Variants in CYFIP1 observed in about 807,000 individuals in gnomAD.
CYFIP1 encodes the protein cytoplasmic FMR1 interacting protein 1, also known as cytoplasmic FMR1-interacting protein 1.
Under a neutral mutation model 163.5 loss-of-function variants are expected in CYFIP1, and 58 were observed. The observed-to-expected ratio is 0.35, with a 90% CI of 0.29 to 0.44. The LOEUF (loss-of-function observed/expected upper bound fraction) is 0.44, where lower values mean the gene tolerates loss of function less well. CYFIP1 is among the 20% of genes least tolerant of loss of function. The pLI, the probability that CYFIP1 is intolerant of heterozygous loss-of-function variation, is 1.00. For missense variants in CYFIP1, 1,338 were observed against 1,653.8 expected, an observed-to-expected ratio of 0.81 and a Z score of 3.31; for synonymous variants, 663 against 660.7, an observed-to-expected ratio of 1.00 and a Z score of -0.05.
intron 26 of CYFIP1, among the ~76,000 whole-genome samples, chr15:22,877,281 C>T (rs2059613383): frequency 6.6e-6 from 1 of 152,190 alleles, no homozygotes; most frequent in Admixed American, 6.5e-5. Context: ...TTCCCCTTCT[C>T]TGTTCCCCCA....
intron 11 of CYFIP1, among the ~76,000 whole-genome samples, chr15:22,931,041 A>G (rs2061519989): frequency 6.6e-6 from 1 of 151,992 alleles, no homozygotes. Context: ...GTGCCCCAAC[A>G]TACCTGGACT....
chr15:22,898,050 G>A (rs765080427), intron 22 of CYFIP1, among the ~76,000 whole-genome samples: 1 of 152,020 alleles, frequency 6.6e-6, no homozygotes, highest in African/African-American at 2.4e-5. Flanking sequence ...AGCTGTACTT[G>A]GACTGTTCCT....
intron 1 of CYFIP1, 71 bp from the exon 2 acceptor site, chr15:22,947,362 G>T: frequency 6.3e-7 from 1 of 1,575,646 alleles, no homozygotes; most frequent in Non-Finnish European, 8.6e-7. Context: ...TCGAGGTTGG[G>T]TACCCAGGCC....
intron 13 of CYFIP1, 142 bp downstream of exon 13, chr15:22,925,840 G>T: frequency 1.6e-6 from 2 of 1,260,130 alleles, no homozygotes; most frequent in Non-Finnish European, 1.1e-6. Flanking sequence ...GTTCTACTCT[G>T]ACTACTCTGC....
intron 8 of CYFIP1, among the ~76,000 whole-genome samples, chr15:22,938,923 TAA>T (rs56169420): frequency 0.26 from 19,058 of 74,524 alleles, 2,122 homozygotes; most frequent in African/African-American, 0.33. Flanking sequence ...AAAAGCAGCT[TAA>T]AAAAAAAAAA....
chr15:22,937,039 A>C, intron 9 of CYFIP1, 65 bp downstream of exon 9: 1 of 1,129,770 alleles, frequency 8.9e-7, no homozygotes, highest in East Asian at 2.4e-5. Context: ...ACAGGGGCTC[A>C]CTTCCCCAAA....
At chr15:22,967,415 C>T (rs1006844961) in intron 1 of CYFIP1, among the ~76,000 whole-genome samples, 2 of 152,182 alleles carry the variant, frequency 1.3e-5, no homozygotes, top group African/African-American at 4.8e-5. Context: ...GCACTTTCCA[C>T]CATGTAGTCT....
Position 22,922,324 on chromosome 15 carries a change from C to T in CYFIP1, c.1360-3466G>A, listed in dbSNP as rs552166935. The stretch of plus-strand genomic sequence containing the variant: ...CACGTGACTGGCCCCCAGTAAAAAC[C>T]CAGGACCCCAAGGCTCTGGGGAGCT... On this transcript the variant is annotated intron_variant, in intron 13 of 30. Coordinates refer to ENST00000617928, the MANE Select transcript of CYFIP1 (RefSeq NM_014608.6). Among the ~76,000 whole-genome samples, 346 of 152,268 alleles carry T rather than the reference C, an allele frequency of 2.3e-3. 4 individuals are homozygous for T. Among genetic ancestry groups the T allele is most frequent in the African/African-American group, 7.9e-3 (327 of 41,566 alleles).
chr15:22,920,539 AT>A (rs58364300), intron 13 of CYFIP1, among the ~76,000 whole-genome samples: 56,287 of 151,904 alleles, frequency 0.37, 10,725 homozygotes, highest in East Asian at 0.54. Flanking sequence ...GGCTTATATG[AT>A]TTTGGTGCTT....
At chr15:22,872,264 C>T (rs2059452484) in intron 30 of CYFIP1, among the ~76,000 whole-genome samples, 1 of 146,992 alleles carries the variant, frequency 6.8e-6, no homozygotes, top group Admixed American at 6.9e-5. Flanking sequence ...CATTGCACCC[C>T]AGCCTGAGCA....
intron 24 of CYFIP1, among the ~76,000 whole-genome samples, chr15:22,882,441 T>G (rs1284493831): frequency 1.3e-5 from 2 of 152,190 alleles, no homozygotes; most frequent in African/African-American, 2.4e-5. Flanking sequence ...AACTCTTACA[T>G]GGTCTCAAGT....
rs573865906 is a variant in CYFIP1 at position 22,969,620 on chromosome 15, GAACA to G, written c.-7+10663_-7+10666del. Among the ~76,000 whole-genome samples, 3 of 152,168 alleles carry G rather than the reference GAACA, an allele frequency of 2.0e-5. No individual in the cohort carries two copies. In the East Asian group the frequency reaches 5.8e-4, roughly 29 times the overall value. On this transcript the variant is annotated intron_variant, in intron 1 of 30. Coordinates refer to ENST00000617928, the MANE Select transcript of CYFIP1 (RefSeq NM_014608.6). ...GCTCTCTGGATATAAGACATAAAGA[GAACA>G]AATAACAAAATGACAGATGTAAATC...
intron 1 of CYFIP1, among the ~76,000 whole-genome samples, chr15:22,957,073 C>T (rs1030244205): frequency 6.6e-6 from 1 of 152,258 alleles, no homozygotes. Context: ...GCGTCGGTGC[C>T]ACGCAGGCGG....
rs539219529 is a variant in CYFIP1, at chr15:22,883,238, A to C, written c.2677-227T>G. ...AGAAAAGAAAACCATTTGGTGTTTC[A>C]ACATTTGTTGAATAGCCGACTCGCT... On this transcript the variant is annotated intron_variant, in intron 23 of 30. Coordinates refer to ENST00000617928, the MANE Select transcript of CYFIP1 (RefSeq NM_014608.6). Among the ~76,000 whole-genome samples, 5 of 152,302 alleles carry C rather than the reference A, an allele frequency of 3.3e-5. No individual in the cohort carries two copies. The South Asian group carries it at 1.0e-3, about 32-fold the overall frequency.
At chr15:22,873,448 TC>T (rs778872818) in intron 29 of CYFIP1, 42 bp downstream of exon 29, 1 of 1,526,886 alleles carries the variant, frequency 6.5e-7, no homozygotes, top group African/African-American at 1.4e-5. Context: ...CCACAGCTCC[TC>T]CCCTCCTCTG....
In CYFIP1 at chr15:22,867,353, C is replaced by CTAAG; in HGVS notation, c.*2671_*2674dup. The CTAAG allele has an allele frequency of 2.5e-6, 1 of 394,730 alleles. No individual in the cohort carries two copies. Among genetic ancestry groups the CTAAG allele is most frequent in the Admixed American group, 4.4e-5 (1 of 22,646 alleles). 24.5% of individuals were successfully genotyped at this position (394,730 alleles called of 1,614,324 possible). A position where few individuals can be genotyped will look rare whatever the true frequency, so the allele number is the denominator to read the frequency against. The stretch of plus-strand genomic sequence containing the variant: ...TTTTGAAATATTTATTAAGGGAAAA[C>CTAAG]TAAGTTACTGAATGAAGGAACCTCT... On this transcript the variant is annotated 3_prime_UTR_variant, in exon 31 of 31. Coordinates refer to ENST00000617928, the MANE Select transcript of CYFIP1 (RefSeq NM_014608.6).
At chr15:22,930,806 T>TA (rs1484547282) in intron 11 of CYFIP1, among the ~76,000 whole-genome samples, 1 of 151,992 alleles carries the variant, frequency 6.6e-6, no homozygotes, top group Non-Finnish European at 1.5e-5. Context: ...GTTTATAAAG[T>TA]AAAAAAGTTA....
At chr15:22,974,656 G>A (rs548994338) in intron 1 of CYFIP1, among the ~76,000 whole-genome samples, 157 of 152,256 alleles carry the variant, frequency 1.0e-3, no homozygotes, top group African/African-American at 3.7e-3. Flanking sequence ...CTGGAACCCA[G>A]GAGGCGGAGG....
At chr15:22,927,862 C>T (rs966377323) in intron 12 of CYFIP1, 44 bp downstream of exon 12, 2 of 1,551,018 alleles carry the variant, frequency 1.3e-6, no homozygotes, top group South Asian at 1.2e-5. Context: ...ATAAAGTGCC[C>T]GAGGCAGCTT....
Sources: gnomAD v4.1 joint callset for allele counts (sites outside exome capture counted in the v4.1 genomes callset) on GRCh38, gnomAD v4.1.1 for gene constraint, MANE v1.5 for transcripts, NCBI Gene and HGNC (gene_info 2026-07-23, HGNC 2026-07-21) for gene names.